The following RIMS2 variants were observed in gnomAD, a reference collection of about 807,000 sequenced individuals.
RIMS2 encodes regulating synaptic membrane exocytosis 2.
A neutral mutation model predicts 174.4 loss-of-function variants in RIMS2; 59 were observed. That is an observed-to-expected ratio of 0.34 (90% CI 0.27 to 0.42). The LOEUF is 0.42. Among genes scored for constraint, RIMS2 ranks in the 10% least tolerant of loss-of-function variants. The probability of loss-of-function intolerance (pLI) is 1.00; values close to 1 mark genes in which losing one functional copy is unlikely to be tolerated. For missense variants in RIMS2, 1,620 were observed against 1,666.3 expected (o/e 0.97, Z 0.48); for synonymous variants, 606 against 572.5 (o/e 1.06, Z -0.84).
chr8:103,837,788 T>A (rs1180870459), intron 3 of RIMS2, among the ~76,000 whole-genome samples: 1 of 152,138 alleles, frequency 6.6e-6, no homozygotes, highest in African/African-American at 2.4e-5. Context: ...TGGTTCCAAG[T>A]CTTTGCTATT....
At chr8:104,190,754 G>T (rs1312868229) in intron 19 of RIMS2, among the ~76,000 whole-genome samples, 2 of 151,916 alleles carry the variant, frequency 1.3e-5, no homozygotes, top group South Asian at 2.1e-4. Flanking sequence ...TGACCTTTTG[G>T]GTAACTACTT....
chr8:104,001,036 T>C (rs1472258015), intron 17 of RIMS2, among the ~76,000 whole-genome samples: 1 of 151,950 alleles, frequency 6.6e-6, no homozygotes, highest in Non-Finnish European at 1.5e-5. Context: ...TTGTTTATTG[T>C]TTTCTAAACT....
At chr8:104,036,141 ATTT>A (rs1424569784) in intron 19 of RIMS2, among the ~76,000 whole-genome samples, 2 of 79,230 alleles carry the variant, frequency 2.5e-5, no homozygotes, top group African/African-American at 1.6e-4. Flanking sequence ...TATTTTATTT[ATTT>A]ATTTATTTAT....
intron 14 of RIMS2, among the ~76,000 whole-genome samples, chr8:103,954,525 G>A (rs2086497785): frequency 6.6e-6 from 1 of 152,152 alleles, no homozygotes; most frequent in East Asian, 1.9e-4. Flanking sequence ...CGAAATGAAG[G>A]CAGAAATAAA....
At chr8:103,911,442 A>G (rs2075650394) in intron 5 of RIMS2, among the ~76,000 whole-genome samples, 1 of 152,162 alleles carries the variant, frequency 6.6e-6, no homozygotes, top group Admixed American at 6.6e-5. Context: ...ACTGTAATCT[A>G]TTCTCACCTG....
At chr8:104,121,298 TGG>T (rs1256473202) in intron 19 of RIMS2, among the ~76,000 whole-genome samples, 1 of 152,192 alleles carries the variant, frequency 6.6e-6, no homozygotes, top group Non-Finnish European at 1.5e-5. Context: ...GGAAAGAATC[TGG>T]GGAGATACCA....
chr8:103,730,075 A>G (rs2097572661), intron 2 of RIMS2, among the ~76,000 whole-genome samples: 1 of 152,216 alleles, frequency 6.6e-6, no homozygotes, highest in Non-Finnish European at 1.5e-5. Flanking sequence ...TTTGGACTAT[A>G]CTGCAGATTA....
At chr8:103,933,593 A>G (rs1245112953) in intron 12 of RIMS2, among the ~76,000 whole-genome samples, 2 of 152,178 alleles carry the variant, frequency 1.3e-5, no homozygotes, top group Non-Finnish European at 2.9e-5. Context: ...GGAATGTGAG[A>G]GGCATTTCAG....
chr8:104,034,612 G>C (rs1373881381), intron 19 of RIMS2, among the ~76,000 whole-genome samples: 1 of 151,626 alleles, frequency 6.6e-6, no homozygotes, highest in East Asian at 1.9e-4. Context: ...TGGGATTATA[G>C]GCACCCGCCA....
intron 1 of RIMS2, among the ~76,000 whole-genome samples, chr8:103,540,836 AAG>A (rs559885756): frequency 1.3e-4 from 20 of 152,326 alleles, no homozygotes; most frequent in Admixed American, 8.5e-4. Context: ...ACAAACAAAA[AAG>A]AAAATCTGGA....
chr8:103,583,619 C>A (rs1290927399), intron 1 of RIMS2, among the ~76,000 whole-genome samples: 3 of 152,130 alleles, frequency 2.0e-5, no homozygotes, highest in African/African-American at 7.2e-5. Flanking sequence ...AATCAAGACT[C>A]TGAAGAATGT....
At chr8:103,608,091 C>T (rs867248583) in intron 1 of RIMS2, among the ~76,000 whole-genome samples, 73 of 149,946 alleles carry the variant, frequency 4.9e-4, no homozygotes, top group Middle Eastern at 3.4e-3. Flanking sequence ...TTTTTAATTT[C>T]CAGTTTTTCT....
intron 1 of RIMS2, among the ~76,000 whole-genome samples, chr8:103,683,326 AAG>A (rs2096902163): frequency 6.6e-6 from 1 of 152,218 alleles, no homozygotes; most frequent in Non-Finnish European, 1.5e-5. Context: ...AAGAGGAAGT[AAG>A]AGAGTAAAAT....
chr8:103,903,315 CAT>C (rs1391940369), intron 4 of RIMS2, among the ~76,000 whole-genome samples: 1 of 151,992 alleles, frequency 6.6e-6, no homozygotes, highest in South Asian at 2.1e-4. Flanking sequence ...TCTGTTACAA[CAT>C]GTTATTACTT....
At chr8:103,944,488 T>A (rs982020544) in intron 14 of RIMS2, among the ~76,000 whole-genome samples, 3 of 152,014 alleles carry the variant, frequency 2.0e-5, no homozygotes, top group Non-Finnish European at 2.9e-5. Context: ...TGGCCTTCAG[T>A]TTTTATTGCA....
At chr8:103,741,338 A>G (rs548810636) in intron 2 of RIMS2, among the ~76,000 whole-genome samples, 120 of 152,220 alleles carry the variant, frequency 7.9e-4, no homozygotes, top group Admixed American at 3.3e-3. Flanking sequence ...ATTAATGACT[A>G]GATGTGAATA....
chr8:103,660,872 A>G (rs1014940979), intron 1 of RIMS2, among the ~76,000 whole-genome samples: 1 of 152,256 alleles, frequency 6.6e-6, no homozygotes, highest in Non-Finnish European at 1.5e-5. Context: ...CTTATTGCTA[A>G]GTAATATAAA....
At chr8:104,178,422 T>C (rs1236715430) in intron 19 of RIMS2, among the ~76,000 whole-genome samples, 4 of 152,166 alleles carry the variant, frequency 2.6e-5, no homozygotes, top group Non-Finnish European at 4.4e-5. Flanking sequence ...TTTCAGCCTC[T>C]AATCTTTTCC....
At chr8:103,608,439 CTTT>C (rs1185965552) in intron 1 of RIMS2, among the ~76,000 whole-genome samples, 1 of 144,268 alleles carries the variant, frequency 6.9e-6, no homozygotes, top group African/African-American at 2.7e-5. Flanking sequence ...TTACTGCTGT[CTTT>C]TTGTTTGTCT....
Sources: gnomAD v4.1 joint callset for allele counts (sites outside exome capture counted in the v4.1 genomes callset) on GRCh38, gnomAD v4.1.1 for gene constraint, MANE v1.5 for transcripts, NCBI Gene and HGNC (gene_info 2026-07-23, HGNC 2026-07-21) for gene names.